Variants in NUP210L observed in about 807,000 individuals in gnomAD.
NUP210L encodes the protein nuclear pore membrane glycoprotein 210-like.
Under a neutral mutation model 208.5 loss-of-function variants are expected in NUP210L, and 74 were observed. The observed-to-expected ratio is 0.35, with a 90% CI of 0.29 to 0.43. NUP210L has a LOEUF of 0.43. NUP210L is among the 20% of genes least tolerant of loss of function. The pLI is 1.00. For missense variants in NUP210L, 1,843 were observed against 2,289.4 expected, an observed-to-expected ratio of 0.81 and a Z score of 3.98; for synonymous variants, 780 against 816.9, an observed-to-expected ratio of 0.95 and a Z score of 0.77.
intron 36 of NUP210L, 21 bp downstream of exon 36, chr1:154,001,714 T>G: frequency 6.2e-7 from 1 of 1,610,760 alleles, no homozygotes; most frequent in Non-Finnish European, 8.5e-7. Flanking sequence ...TTGTTCTGTT[T>G]TGGTTCAGTT....
At chr1:154,055,163 CTTTCTTTCTTTCTT>C (rs767926298) in intron 23 of NUP210L, among the ~76,000 whole-genome samples, 1 of 116,800 alleles carries the variant, frequency 8.6e-6, no homozygotes, top group African/African-American at 3.2e-5. Context: ...TTCTTTCTTT[CTTTCTTTCTTTCTT>C]TCTTTCTTTC....
At chr1:154,042,340 C>G (rs1455404823) in intron 27 of NUP210L, among the ~76,000 whole-genome samples, 3 of 151,880 alleles carry the variant, frequency 2.0e-5, no homozygotes, top group Non-Finnish European at 4.4e-5. Context: ...TGAGCTCATG[C>G]GATCCACTCA....
At chr1:154,112,860 A>G (rs931984472) in intron 12 of NUP210L, among the ~76,000 whole-genome samples, 5 of 109,760 alleles carry the variant, frequency 4.6e-5, no homozygotes, top group African/African-American at 2.1e-4. Flanking sequence ...TGTCTGGGGA[A>G]AAAAAAAAAA....
chr1:154,118,689 T>C (rs1226343804), exon 11 of NUP210L: 1 of 1,600,632 alleles, frequency 6.2e-7, no homozygotes, highest in Non-Finnish European at 8.5e-7. Flanking sequence ...TATAACGATA[T>C]AACATTCCCA....
At chr1:153,994,673 T>TA (rs1649719053) in intron 38 of NUP210L, among the ~76,000 whole-genome samples, 1 of 152,062 alleles carries the variant, frequency 6.6e-6, no homozygotes, top group African/African-American at 2.4e-5. Flanking sequence ...CACTGTTTGT[T>TA]AAAATTATAT....
chr1:154,030,101 G>T, intron 27 of NUP210L, 47 bp from the exon 28 acceptor site: 1 of 1,320,894 alleles, frequency 7.6e-7, no homozygotes, highest in Non-Finnish European at 1.0e-6. Context: ...AATAAACATG[G>T]TGTCCTTCCT....
intron 10 of NUP210L, among the ~76,000 whole-genome samples, chr1:154,120,683 C>T (rs962068743): frequency 1.4e-5 from 2 of 148,088 alleles, no homozygotes; most frequent in Non-Finnish European, 3.0e-5. Flanking sequence ...ATCATGAGGT[C>T]AGGAGTTTGA....
chr1:154,073,814 CAATAAATAAATAAATAAATAAATA>C (rs3073948), intron 16 of NUP210L, among the ~76,000 whole-genome samples: 1 of 131,020 alleles, frequency 7.6e-6, no homozygotes, highest in South Asian at 2.7e-4. Flanking sequence ...GACTCTGTCT[CAATAAATAAATAAATAAATAAATA>C]AATAAATAAA....
intron 17 of NUP210L, among the ~76,000 whole-genome samples, chr1:154,068,614 A>G (rs1654535393): frequency 6.6e-6 from 1 of 152,130 alleles, no homozygotes; most frequent in Non-Finnish European, 1.5e-5. Flanking sequence ...CGGGAGGTGG[A>G]GCTTGCAGTG....
chr1:154,135,901 A>C (rs1558002847), exon 7 of NUP210L: 5 of 1,608,378 alleles, frequency 3.1e-6, no homozygotes, highest in Non-Finnish European at 4.3e-6. Flanking sequence ...ACTTTCTCAG[A>C]ATGAGACCCG....
intron 16 of NUP210L, among the ~76,000 whole-genome samples, chr1:154,088,237 T>C (rs1043345475): frequency 1.3e-5 from 2 of 151,264 alleles, no homozygotes; most frequent in Non-Finnish European, 2.9e-5. Flanking sequence ...AACTGGGGGG[T>C]TGAGTTGGGA....
chr1:154,057,001 C>G lies in NUP210L; in HGVS notation c.3108-54G>C, dbSNP rs1474141273. The G allele has an allele frequency of 1.9e-6, 3 of 1,584,898 alleles. No homozygotes were observed. In the African/African-American group the frequency reaches 4.1e-5, roughly 21 times the overall value. ...GAAAGATTTTTGTTTTGTTTCAAGA[C>G]AGGGTCTTACTCTGTCGCCCAGGCT... On this transcript the variant is annotated intron_variant, in intron 22 of 39. Coordinates refer to ENST00000368559, the Ensembl canonical transcript of NUP210L.
intron 37 of NUP210L, chr1:153,995,820 T>A (rs1649821286): frequency 1.6e-6 from 1 of 627,468 alleles, no homozygotes; most frequent in Admixed American, 1.9e-5. Flanking sequence ...AACCTGAAGT[T>A]CTTACGAGAT....
intron 15 of NUP210L, among the ~76,000 whole-genome samples, chr1:154,093,556 T>C (rs1283453841): frequency 1.3e-5 from 2 of 152,196 alleles, no homozygotes; most frequent in Admixed American, 6.5e-5. Context: ...AAGAAACCTA[T>C]GTAGTGAGCT....
exon 39 of NUP210L, chr1:153,993,058 T>A: frequency 6.2e-7 from 1 of 1,613,678 alleles, no homozygotes; most frequent in Non-Finnish European, 8.5e-7. Flanking sequence ...CAACTGGAAC[T>A]GTTTGTATCT....
intron 10 of NUP210L, among the ~76,000 whole-genome samples, chr1:154,125,878 C>T (rs1256751357): frequency 3.4e-5 from 5 of 147,010 alleles, no homozygotes; most frequent in African/African-American, 1.2e-4. Flanking sequence ...CGCCATTCTC[C>T]TGCCTCAGCC....
At chr1:154,120,449 G>A (rs1226011449) in intron 10 of NUP210L, among the ~76,000 whole-genome samples, 4 of 151,934 alleles carry the variant, frequency 2.6e-5, no homozygotes, top group African/African-American at 7.3e-5. Flanking sequence ...GACACAGAAA[G>A]GGGAACATCA....
At chr1:154,024,561 T>C (rs1040401738) in intron 30 of NUP210L, among the ~76,000 whole-genome samples, 2 of 152,136 alleles carry the variant, frequency 1.3e-5, no homozygotes, top group African/African-American at 4.8e-5. Context: ...TGTTGCTTTG[T>C]TTTCCAGGCT....
At chr1:154,041,204 A>T (rs367548431) in intron 27 of NUP210L, among the ~76,000 whole-genome samples, 1 of 151,820 alleles carries the variant, frequency 6.6e-6, no homozygotes, top group East Asian at 1.9e-4. Flanking sequence ...GGCTCAAGTG[A>T]TCCTCTCACC....
Sources: allele counts gnomAD v4.1 joint callset (sites outside exome capture counted in the v4.1 genomes callset), GRCh38; gene constraint gnomAD v4.1.1; transcripts MANE v1.5; gene names NCBI Gene and HGNC (gene_info 2026-07-23, HGNC 2026-07-21).